Variants in KSR2 observed in about 807,000 individuals in gnomAD.
The protein encoded by KSR2 is kinase suppressor of ras 2.
Under a neutral mutation model 107.8 loss-of-function variants are expected in KSR2, and 25 were observed. The ratio of observed to expected loss-of-function variants is 0.23; its 90% confidence interval spans 0.17 to 0.32. The LOEUF (loss-of-function observed/expected upper bound fraction) is 0.32. KSR2 is among the 10% of genes least tolerant of loss of function. The probability of loss-of-function intolerance (pLI) is 1.00; values close to 1 mark genes in which losing one functional copy is unlikely to be tolerated. For synonymous variants in KSR2, 480 were observed against 507.0 expected, an observed-to-expected ratio of 0.95 and a Z score of 0.71; for missense variants, 887 against 1,268.9, an observed-to-expected ratio of 0.70 and a Z score of 4.57.
At chr12:117,588,250 G>C (rs990595071) in intron 5 of KSR2, among the ~76,000 whole-genome samples, 3 of 152,164 alleles carry the variant, frequency 2.0e-5, no homozygotes, top group African/African-American at 7.2e-5. Flanking sequence ...TTGTAGCACT[G>C]GAATATCTGC....
chr12:117,645,054 A>G (rs1047860435), intron 5 of KSR2, among the ~76,000 whole-genome samples: 1 of 152,222 alleles, frequency 6.6e-6, no homozygotes, highest in Non-Finnish European at 1.5e-5. Context: ...GTTCAGGATA[A>G]ACATGTATGT....
chr12:117,629,557 C>T (rs747771980), intron 5 of KSR2, among the ~76,000 whole-genome samples: 2 of 152,150 alleles, frequency 1.3e-5, no homozygotes, highest in Non-Finnish European at 2.9e-5. Context: ...TCCTCGTGAT[C>T]ACAGCAAAAA....
At chr12:117,651,884 C>A (rs1005935021) in intron 5 of KSR2, among the ~76,000 whole-genome samples, 1 of 152,158 alleles carries the variant, frequency 6.6e-6, no homozygotes, top group Non-Finnish European at 1.5e-5. Context: ...ATGGTAGGAA[C>A]CACAGTCACT....
intron 4 of KSR2, among the ~76,000 whole-genome samples, chr12:117,708,129 G>C (rs1459674356): frequency 6.6e-6 from 1 of 152,186 alleles, no homozygotes; most frequent in Non-Finnish European, 1.5e-5. Flanking sequence ...AATCATTCTT[G>C]AGCGTTTCAT....
At chr12:117,918,568 C>G (rs1287886726) in intron 1 of KSR2, among the ~76,000 whole-genome samples, 1 of 150,404 alleles carries the variant, frequency 6.6e-6, no homozygotes, top group Non-Finnish European at 1.5e-5. Flanking sequence ...GCAGGCAGAT[C>G]ACCTGAGGTC....
chr12:117,614,888 T>C (rs533487433), intron 5 of KSR2, among the ~76,000 whole-genome samples: 7 of 152,188 alleles, frequency 4.6e-5, no homozygotes, highest in Non-Finnish European at 8.8e-5. Context: ...TTGCTCCCTG[T>C]TTTTTGTCCT....
intron 1 of KSR2, among the ~76,000 whole-genome samples, chr12:117,904,834 C>T (rs573326089): frequency 6.6e-6 from 1 of 152,244 alleles, no homozygotes; most frequent in South Asian, 2.1e-4. Flanking sequence ...GTCCTTCTGA[C>T]CTTTGCCAAA....
intron 14 of KSR2, among the ~76,000 whole-genome samples, chr12:117,493,111 C>T (rs905801281): frequency 2.0e-5 from 3 of 152,252 alleles, no homozygotes; most frequent in African/African-American, 7.2e-5. Context: ...AGCACACAAG[C>T]GCTTCATCCA....
At chr12:117,923,712 C>T (rs183975835) in intron 1 of KSR2, among the ~76,000 whole-genome samples, 10 of 151,622 alleles carry the variant, frequency 6.6e-5, no homozygotes, top group African/African-American at 1.5e-4. Context: ...TGTATATATA[C>T]GTATATATAA....
At chr12:117,673,548 C>T (rs574532122) in intron 4 of KSR2, among the ~76,000 whole-genome samples, 14 of 152,110 alleles carry the variant, frequency 9.2e-5, no homozygotes, top group African/African-American at 1.4e-4. Context: ...TAAAAGAAAA[C>T]GAGAGAATAC....
chr12:117,474,267 C>T (rs973309920), intron 17 of KSR2, among the ~76,000 whole-genome samples: 1 of 152,132 alleles, frequency 6.6e-6, no homozygotes, highest in African/African-American at 2.4e-5. Context: ...TAAATTTACA[C>T]TAAACTATAC....
chr12:117,521,046 A>G (rs1874727804), intron 14 of KSR2, among the ~76,000 whole-genome samples: 1 of 151,866 alleles, frequency 6.6e-6, no homozygotes, highest in Admixed American at 6.6e-5. Context: ...CTGTATTAAA[A>G]GCTCCCCTTC....
At chr12:117,831,023 C>T (rs1891943032) in intron 3 of KSR2, among the ~76,000 whole-genome samples, 1 of 152,136 alleles carries the variant, frequency 6.6e-6, no homozygotes, top group Admixed American at 6.5e-5. Flanking sequence ...ATCCAACTTC[C>T]TCCATGTTCC....
At chr12:117,802,911 T>C (rs779314961) in intron 3 of KSR2, among the ~76,000 whole-genome samples, 1 of 152,180 alleles carries the variant, frequency 6.6e-6, no homozygotes, top group Non-Finnish European at 1.5e-5. Context: ...CTGGGAGTAA[T>C]GGGATTTTTC....
At chr12:117,955,356 G>T (rs1230086313) in intron 1 of KSR2, among the ~76,000 whole-genome samples, 1 of 152,046 alleles carries the variant, frequency 6.6e-6, no homozygotes, top group African/African-American at 2.4e-5. Context: ...AAACTCCTGA[G>T]TTCAAGCAAT....
chr12:117,968,491 CCT>C lies in KSR2; in HGVS notation c.-238_-237del. Reference sequence around the variant, plus strand: ...TCAAGCGGACTCCATTAGAATGTCTCCTCTCTCTCTGAGTCTCTGGTCCCTGA... The same window carrying C: ...TCAAGCGGACTCCATTAGAATGTCTCCTCTCTCTGAGTCTCTGGTCCCTGA... On this transcript the variant is annotated 5_prime_UTR_variant, in exon 1 of 20. Coordinates refer to ENST00000339824, the MANE Select transcript of KSR2 (RefSeq NM_173598.6). 3 of 1,284,328 alleles carry C rather than the reference CCT, an allele frequency of 2.3e-6. No individual in the cohort carries two copies. The highest frequency in any genetic ancestry group is 3.9e-5 in the Admixed American group (1 of 25,410). The allele number at this position is 1,284,328 out of a possible 1,614,324, so 79.6% of individuals were successfully genotyped here.
chr12:117,534,301 A>G (rs1875878181), intron 10 of KSR2, among the ~76,000 whole-genome samples: 1 of 152,082 alleles, frequency 6.6e-6, no homozygotes, highest in African/African-American at 2.4e-5. Flanking sequence ...CCAGGACCAG[A>G]CCCTGTAGCT....
At chr12:117,901,188 A>G (rs1271305212) in intron 1 of KSR2, among the ~76,000 whole-genome samples, 1 of 152,214 alleles carries the variant, frequency 6.6e-6, no homozygotes, top group African/African-American at 2.4e-5. Flanking sequence ...CTGCCAAAAA[A>G]ACGCAGGAAT....
intron 10 of KSR2, among the ~76,000 whole-genome samples, chr12:117,532,278 G>T (rs1205886428): frequency 1.3e-5 from 2 of 152,084 alleles, no homozygotes; most frequent in African/African-American, 4.8e-5. Flanking sequence ...CCTTCTGAAG[G>T]CTCCAGGAAA....
Sources: gnomAD v4.1 joint callset for allele counts (sites outside exome capture counted in the v4.1 genomes callset) on GRCh38, gnomAD v4.1.1 for gene constraint, MANE v1.5 for transcripts, NCBI Gene and HGNC (gene_info 2026-07-23, HGNC 2026-07-21) for gene names.